TRAF3IP2: variants seen among roughly 807,000 people sequenced by gnomAD.
The protein encoded by TRAF3IP2 is TRAF3 interacting protein 2, also known as E3 ubiquitin ligase TRAF3IP2.
A neutral mutation model predicts 57.9 loss-of-function variants in TRAF3IP2; 35 were observed. That is an observed-to-expected ratio of 0.60 (90% CI 0.46 to 0.80). TRAF3IP2 has a LOEUF of 0.80. Ranked by LOEUF, TRAF3IP2 falls within the 30% of genes least tolerant of loss-of-function variation. TRAF3IP2 has a pLI of 0.00. For synonymous variants in TRAF3IP2, 251 were observed against 268.9 expected, an observed-to-expected ratio of 0.93 and a Z score of 0.65; for missense variants, 556 against 706.4, an observed-to-expected ratio of 0.79 and a Z score of 2.41.
At chr6:111,578,898 G>C (rs1447411459) in intron 3 of TRAF3IP2, among the ~76,000 whole-genome samples, 2 of 152,160 alleles carry the variant, frequency 1.3e-5, no homozygotes, top group Non-Finnish European at 2.9e-5. Flanking sequence ...AGTTGCTTTT[G>C]AGCAAAAGTA....
At chr6:111,559,588 G>T (rs746770245) in intron 8 of TRAF3IP2, 37 bp from the exon 9 acceptor site, 1 of 1,601,504 alleles carries the variant, frequency 6.2e-7, no homozygotes, top group Non-Finnish European at 8.5e-7. Context: ...AAGGTCATTA[G>T]AGAAAAACCT....
intron 2 of TRAF3IP2, among the ~76,000 whole-genome samples, chr6:111,584,565 G>A (rs1438343899): frequency 6.6e-6 from 1 of 151,852 alleles, no homozygotes; most frequent in Non-Finnish European, 1.5e-5. Flanking sequence ...GGGAGGCCTA[G>A]GTGGGTGGAT....
At chr6:111,585,240 C>T (rs553345418) in intron 2 of TRAF3IP2, among the ~76,000 whole-genome samples, 45 of 151,918 alleles carry the variant, frequency 3.0e-4, no homozygotes, top group Non-Finnish European at 5.1e-4. Context: ...AAAACAAGGA[C>T]GGTGTATAAC....
intron 1 of TRAF3IP2, chr6:111,601,259 A>G (rs752274787): frequency 2.7e-6 from 2 of 752,948 alleles, no homozygotes; most frequent in Non-Finnish European, 5.0e-6. Context: ...CAGGCTGGAA[A>G]TCTGCCATGG....
At chr6:111,566,010 A>G (rs1444742522) in intron 7 of TRAF3IP2, among the ~76,000 whole-genome samples, 1 of 152,192 alleles carries the variant, frequency 6.6e-6, no homozygotes, top group Non-Finnish European at 1.5e-5. Context: ...CCAGGCCCAC[A>G]TGATGCAACA....
chr6:111,581,062 T>C (rs973232966), intron 2 of TRAF3IP2, among the ~76,000 whole-genome samples: 2 of 152,220 alleles, frequency 1.3e-5, no homozygotes, highest in Non-Finnish European at 2.9e-5. Flanking sequence ...CAGTGACTTA[T>C]GTGAATGTGC....
intron 3 of TRAF3IP2, chr6:111,576,548 G>A (rs1231612616): frequency 6.6e-6 from 1 of 152,268 alleles, no homozygotes; most frequent in Non-Finnish European, 1.5e-5. Context: ...AAGCGTCGAG[G>A]GCAGGGCATG....
intron 7 of TRAF3IP2, among the ~76,000 whole-genome samples, chr6:111,563,987 G>C (rs930835619): frequency 3.9e-5 from 6 of 152,200 alleles, no homozygotes; most frequent in Non-Finnish European, 8.8e-5. Context: ...TGATGAGAAG[G>C]AGACGAGGAA....
chr6:111,580,119 T>C, intron 3 of TRAF3IP2, 78 bp downstream of exon 3: 1 of 1,519,944 alleles, frequency 6.6e-7, no homozygotes, highest in Non-Finnish European at 8.9e-7. Context: ...CTATAGAGAA[T>C]TCTGTTACAT....
At chr6:111,584,772 C>T (rs1796278137) in intron 2 of TRAF3IP2, among the ~76,000 whole-genome samples, 2 of 152,190 alleles carry the variant, frequency 1.3e-5, no homozygotes, top group South Asian at 4.2e-4. Context: ...TGCCAATTTA[C>T]TTGGGTACTA....
At chr6:111,560,334 G>A (rs1007730383) in intron 8 of TRAF3IP2, among the ~76,000 whole-genome samples, 4 of 152,202 alleles carry the variant, frequency 2.6e-5, no homozygotes, top group Non-Finnish European at 5.9e-5. Context: ...AGTGTGTTGG[G>A]TCTGTTCACA....
At position 111,564,166 on chromosome 6, in the gene TRAF3IP2, A is replaced by G. The variant is rs1475921324; in HGVS notation, c.1477-1127T>C. On this transcript the variant is annotated intron_variant, in intron 7 of 8. Coordinates refer to ENST00000368761, the MANE Select transcript of TRAF3IP2 (RefSeq NM_147686.4). ...CACACTCTCACATAGTTGCATACGC[A>G]CACACACACACACACGATCACACAA... Among the ~76,000 whole-genome samples the G allele has an allele frequency of 3.3e-5, 5 of 151,486 alleles. No individual in the cohort carries two copies. The East Asian group carries it at 5.8e-4, about 18-fold the overall frequency.
chr6:111,584,028 CTA>C (rs1796254211), intron 2 of TRAF3IP2, among the ~76,000 whole-genome samples: 1 of 152,168 alleles, frequency 6.6e-6, no homozygotes, highest in East Asian at 1.9e-4. Flanking sequence ...ATTTTTCTTC[CTA>C]TATCCATTAA....
At chr6:111,584,094 T>C (rs1796255459) in intron 2 of TRAF3IP2, among the ~76,000 whole-genome samples, 1 of 152,216 alleles carries the variant, frequency 6.6e-6, no homozygotes, top group African/African-American at 2.4e-5. Flanking sequence ...GCTCTAATCA[T>C]AGGGTTTATT....
At chr6:111,582,819 C>T (rs1796208372) in intron 2 of TRAF3IP2, among the ~76,000 whole-genome samples, 1 of 152,056 alleles carries the variant, frequency 6.6e-6, no homozygotes, top group Non-Finnish European at 1.5e-5. Flanking sequence ...TAGATCTTGC[C>T]TCCCACTACA....
intron 2 of TRAF3IP2, among the ~76,000 whole-genome samples, chr6:111,585,304 T>C (rs1328547038): frequency 2.0e-5 from 3 of 149,898 alleles, no homozygotes; most frequent in East Asian, 1.9e-4. Context: ...CCAAATTTCA[T>C]TGACTCCCTT....
intron 1 of TRAF3IP2, among the ~76,000 whole-genome samples, chr6:111,594,153 C>A (rs981336910): frequency 8.8e-6 from 1 of 113,964 alleles, no homozygotes; most frequent in Non-Finnish European, 2.0e-5. Context: ...AAAATGCTCA[C>A]CATTTTTTCC....
chr6:111,565,620 C>G (rs949411169), intron 7 of TRAF3IP2, among the ~76,000 whole-genome samples: 10 of 152,140 alleles, frequency 6.6e-5, no homozygotes. Flanking sequence ...CAGAAACTGT[C>G]TCACAGCGTC....
chr6:111,598,700 T>C (rs1017890840), intron 1 of TRAF3IP2, among the ~76,000 whole-genome samples: 1 of 152,176 alleles, frequency 6.6e-6, no homozygotes, highest in Non-Finnish European at 1.5e-5. Flanking sequence ...GGAAAGAGGT[T>C]TGCTTTTCAG....
Sources: gnomAD v4.1 joint callset for allele counts (sites outside exome capture counted in the v4.1 genomes callset) on GRCh38, gnomAD v4.1.1 for gene constraint, MANE v1.5 for transcripts, NCBI Gene and HGNC (gene_info 2026-07-23, HGNC 2026-07-21) for gene names.